STARD3NL: variants seen among roughly 807,000 people sequenced by gnomAD.
STARD3NL encodes the protein STARD3 N-terminal like.
A neutral mutation model predicts 30.9 loss-of-function variants in STARD3NL; 17 were observed. That is an observed-to-expected ratio of 0.55 (90% CI 0.38 to 0.82). The LOEUF is 0.82. STARD3NL is among the 40% of genes least tolerant of loss of function. The probability of loss-of-function intolerance (pLI) is 0.00; values close to 1 mark genes in which losing one functional copy is unlikely to be tolerated. For synonymous variants in STARD3NL, 112 were observed against 100.5 expected, an observed-to-expected ratio of 1.11 and a Z score of -0.69; for missense variants, 234 against 277.6, an observed-to-expected ratio of 0.84 and a Z score of 1.12.
chr7:38,226,923 C>T (rs1370753341), intron 7 of STARD3NL, among the ~76,000 whole-genome samples: 1 of 152,220 alleles, frequency 6.6e-6, no homozygotes, highest in Non-Finnish European at 1.5e-5. Context: ...TGGAGAAGAA[C>T]AGGAGCAGCT....
rs560534839 is a variant in STARD3NL, at chr7:38,207,447, G to C, written c.-58G>C. ...GGTGTCTCTTTTTTATTTCCCAAAG[G>C]TGTCTTCTCTTTAGGGATGGTGAGG... On this transcript the variant is annotated splice_region_variant and 5_prime_UTR_variant, in exon 2 of 9. Coordinates refer to ENST00000009041, the MANE Select transcript of STARD3NL (RefSeq NM_032016.4). 7.0e-6 allele frequency: 10 copies of C among 1,431,710 alleles called. No individual in the cohort carries two copies. The highest frequency in any genetic ancestry group is 9.7e-6 in the Non-Finnish European group (10 of 1,034,156). 88.7% of individuals were successfully genotyped at this position (1,431,710 alleles called of 1,614,324 possible). A position where few individuals can be genotyped will look rare whatever the true frequency, so the allele number is the denominator to read the frequency against.
chr7:38,182,202 T>A (rs1236235399), intron 1 of STARD3NL, among the ~76,000 whole-genome samples: 1 of 152,220 alleles, frequency 6.6e-6, no homozygotes, highest in Non-Finnish European at 1.5e-5. Context: ...TACACTTTTA[T>A]CATCTTATCT....
At chr7:38,216,842 G>A in intron 4 of STARD3NL, 183 bp from the exon 5 acceptor site, 1 of 616,646 alleles carries the variant, frequency 1.6e-6, no homozygotes, top group South Asian at 2.1e-5. Flanking sequence ...ACATGTAGAA[G>A]CCCATTTTGC....
intron 4 of STARD3NL, 195 bp downstream of exon 4, chr7:38,215,300 A>G (rs1786040003): frequency 1.5e-5 from 8 of 549,176 alleles, no homozygotes; most frequent in Non-Finnish European, 2.6e-5. Context: ...GAGTAACTAG[A>G]TTTGTCTCTT....
chr7:38,205,759 G>T (rs890353400), intron 1 of STARD3NL, among the ~76,000 whole-genome samples: 1 of 152,118 alleles, frequency 6.6e-6, no homozygotes, highest in Non-Finnish European at 1.5e-5. Context: ...ACACAACTAT[G>T]TTACCACTAC....
At chr7:38,202,540 T>TA (rs1785232425) in intron 1 of STARD3NL, among the ~76,000 whole-genome samples, 1 of 152,128 alleles carries the variant, frequency 6.6e-6, no homozygotes, top group Non-Finnish European at 1.5e-5. Context: ...TAATATCTGA[T>TA]ATATTTCTTT....
intron 7 of STARD3NL, among the ~76,000 whole-genome samples, chr7:38,228,244 T>C (rs1786894847): frequency 6.6e-6 from 1 of 152,220 alleles, no homozygotes; most frequent in African/African-American, 2.4e-5. Flanking sequence ...TAATGAATAA[T>C]AAGCATTATT....
intron 1 of STARD3NL, among the ~76,000 whole-genome samples, chr7:38,191,786 A>G (rs1339798123): frequency 6.6e-6 from 1 of 152,042 alleles, no homozygotes; most frequent in East Asian, 1.9e-4. Context: ...TGATTACTGA[A>G]GCTTTGTGGA....
At chr7:38,189,976 T>C (rs551207980) in intron 1 of STARD3NL, among the ~76,000 whole-genome samples, 31 of 152,362 alleles carry the variant, frequency 2.0e-4, no homozygotes, top group African/African-American at 7.0e-4. Context: ...TGTAGCATAC[T>C]TAAGAGCAAA....
chr7:38,210,265 G>A (rs1785722214), intron 2 of STARD3NL, among the ~76,000 whole-genome samples: 1 of 152,136 alleles, frequency 6.6e-6, no homozygotes, highest in African/African-American at 2.4e-5. Context: ...AATAAATATG[G>A]CACATAATCT....
intron 1 of STARD3NL, among the ~76,000 whole-genome samples, chr7:38,199,601 G>A (rs1275394428): frequency 6.6e-6 from 1 of 152,148 alleles, no homozygotes; most frequent in Non-Finnish European, 1.5e-5. Flanking sequence ...GGGAGCTTGG[G>A]GGAAATGCAT....
At chr7:38,198,344 G>A (rs1194903210) in intron 1 of STARD3NL, 1 of 152,236 alleles carries the variant, frequency 6.6e-6, no homozygotes, top group African/African-American at 2.4e-5. Flanking sequence ...AAAGTGGTCA[G>A]CAGCTTGGCT....
At chr7:38,179,016 C>G (rs1014548183) in intron 1 of STARD3NL, 1 of 152,196 alleles carries the variant, frequency 6.6e-6, no homozygotes, top group African/African-American at 2.4e-5. Flanking sequence ...TTCCCCCTCT[C>G]TTTTAGTTCA....
intron 1 of STARD3NL, among the ~76,000 whole-genome samples, chr7:38,181,768 A>C (rs947461274): frequency 6.6e-6 from 1 of 152,168 alleles, no homozygotes; most frequent in East Asian, 1.9e-4. Flanking sequence ...ACTAATGCCC[A>C]TATTCTGAAG....
intron 7 of STARD3NL, among the ~76,000 whole-genome samples, chr7:38,219,919 A>G (rs1356348762): frequency 6.6e-6 from 1 of 152,158 alleles, no homozygotes; most frequent in East Asian, 1.9e-4. Context: ...AGACAAGGGG[A>G]AGCGTCTCAG....
intron 1 of STARD3NL, 85 bp downstream of exon 1, chr7:38,178,505 G>A (rs1266668634): frequency 2.0e-5 from 3 of 152,492 alleles, no homozygotes; most frequent in African/African-American, 4.8e-5. Flanking sequence ...GGCGTACAGG[G>A]GACCCGCGGA....
intron 1 of STARD3NL, among the ~76,000 whole-genome samples, chr7:38,202,511 A>G (rs1785230264): frequency 6.6e-6 from 1 of 152,172 alleles, no homozygotes; most frequent in Non-Finnish European, 1.5e-5. Context: ...TAATCTCATT[A>G]GTCCGAGAGA....
chr7:38,213,310 A>G (rs1044228220), intron 2 of STARD3NL, among the ~76,000 whole-genome samples: 1 of 152,310 alleles, frequency 6.6e-6, no homozygotes, highest in East Asian at 1.9e-4. Flanking sequence ...AAGCAGGTCT[A>G]CAGAGGATCC....
intron 2 of STARD3NL, 144 bp downstream of exon 2, chr7:38,207,873 G>A (rs575943643): frequency 2.6e-6 from 2 of 762,800 alleles, no homozygotes; most frequent in East Asian, 5.4e-5. Flanking sequence ...CTCCTGATTT[G>A]GACCTTTCTT....
Sources: allele counts gnomAD v4.1 joint callset (sites outside exome capture counted in the v4.1 genomes callset), GRCh38; gene constraint gnomAD v4.1.1; transcripts MANE v1.5; gene names NCBI Gene and HGNC (gene_info 2026-07-23, HGNC 2026-07-21).